The following TRIP12 variants were observed in gnomAD, a reference collection of about 807,000 sequenced individuals.
TRIP12 encodes the protein thyroid hormone receptor interactor 12.
TRIP12 carries 25 observed loss-of-function variants against 244.2 expected under a neutral mutation model. The ratio of observed to expected loss-of-function variants is 0.10; its 90% CI spans 0.07 to 0.14. The LOEUF (loss-of-function observed/expected upper bound fraction) is 0.14. Among genes scored for constraint, TRIP12 ranks in the 10% least tolerant of loss-of-function variants. TRIP12 has a pLI of 1.00. For synonymous variants in TRIP12, 905 were observed against 873.1 expected (o/e 1.04, Z -0.64); for missense variants, 1,677 against 2,486.4 (o/e 0.67, Z 6.92).
Position 229,806,724 on chromosome 2 carries a change from C to T in TRIP12, c.2497-841G>A, listed in dbSNP as rs755385864. Among the ~76,000 whole-genome samples the T allele has an allele frequency of 6.6e-5, 10 of 152,184 alleles. No homozygotes were observed. The South Asian group carries it at 8.3e-4, about 13-fold the overall frequency. Reference sequence around the variant, plus strand: ...AAGTCAATTTTCTCATAAAAGCTTGCTCTGAAACTGGATTTATTTTTAAAA... The same window carrying T: ...AAGTCAATTTTCTCATAAAAGCTTGTTCTGAAACTGGATTTATTTTTAAAA... On this transcript the variant is annotated intron_variant, in intron 17 of 41. Coordinates refer to ENST00000675903, the MANE Select transcript of TRIP12 (RefSeq NM_001348323.3).
rs2154219870 is a variant in TRIP12 at position 229,765,946 on chromosome 2, G to A, written c.*1608C>T. 6.6e-6 allele frequency: 1 copy of A among 152,196 alleles called. No homozygotes were observed. The highest frequency in any genetic ancestry group is 1.9e-4 in the East Asian group (1 of 5,180). 9.4% of individuals were successfully genotyped at this position (152,196 alleles called of 1,614,324 possible). ...CACTGCCCAAGTGAACTCTCAGGAG[G>A]GGACATTTCCATATAAGGCCATTTA... On this transcript the variant is annotated 3_prime_UTR_variant, in exon 42 of 42. Coordinates refer to ENST00000675903, the MANE Select transcript of TRIP12 (RefSeq NM_001348323.3).
At chr2:229,824,442 T>C (rs1014743766) in intron 8 of TRIP12, among the ~76,000 whole-genome samples, 1 of 152,170 alleles carries the variant, frequency 6.6e-6, no homozygotes, top group African/African-American at 2.4e-5. Flanking sequence ...GCAAACCTGC[T>C]TCTAGAAATC....
intron 4 of TRIP12, among the ~76,000 whole-genome samples, chr2:229,852,245 C>T (rs2058851691): frequency 6.6e-6 from 1 of 152,148 alleles, no homozygotes; most frequent in Non-Finnish European, 1.5e-5. Context: ...AGAACATCTG[C>T]CTGGAAATAT....
chr2:229,881,724 AACTTATGCGTACTG>A (rs2154354948), intron 1 of TRIP12, among the ~76,000 whole-genome samples: 1 of 152,314 alleles, frequency 6.6e-6, no homozygotes, highest in Admixed American at 6.5e-5. Flanking sequence ...GAAAAGGTTA[AACTTATGCGTACTG>A]ATATGGAAAG....
At chr2:229,871,110 G>A (rs1468983609) in intron 2 of TRIP12, among the ~76,000 whole-genome samples, 1 of 148,292 alleles carries the variant, frequency 6.7e-6, no homozygotes, top group Non-Finnish European at 1.5e-5. Flanking sequence ...AGAGACAGAG[G>A]TTGCAGTGAG....
At chr2:229,831,291 T>C (rs2154299066) in intron 6 of TRIP12, 1 of 613,726 alleles carries the variant, frequency 1.6e-6, no homozygotes, top group Non-Finnish European at 2.9e-6. Flanking sequence ...CTGCTTTATT[T>C]CCGGACTACA....
chr2:229,823,418 A>T (rs1266557966), intron 8 of TRIP12, among the ~76,000 whole-genome samples: 2 of 152,092 alleles, frequency 1.3e-5, no homozygotes, highest in East Asian at 3.8e-4. Context: ...TCACGCCTGT[A>T]GTCCCAGCAT....
chr2:229,880,271 G>A (rs1641763957), intron 1 of TRIP12, 143 bp from the exon 2 acceptor site: 1 of 599,318 alleles, frequency 1.7e-6, no homozygotes, highest in East Asian at 2.8e-5. Context: ...ATGTCTCACT[G>A]AACTGTGAAG....
At chr2:229,826,197 T>C (rs1220687393) in intron 8 of TRIP12, among the ~76,000 whole-genome samples, 1 of 152,224 alleles carries the variant, frequency 6.6e-6, no homozygotes, top group Non-Finnish European at 1.5e-5. Flanking sequence ...AAAGTGATTA[T>C]TAGTTCTAAA....
At chr2:229,819,438 A>G (rs1215444674) in intron 8 of TRIP12, among the ~76,000 whole-genome samples, 2 of 152,162 alleles carry the variant, frequency 1.3e-5, no homozygotes, top group Admixed American at 6.5e-5. Context: ...CCAGATACGC[A>G]GGAGGCTGAG....
Position 229,791,916 on chromosome 2 carries a change from C to G in TRIP12, c.4365G>C (p.Glu1455Asp). 4 of 1,614,130 alleles carry G rather than the reference C, an allele frequency of 2.5e-6. No homozygotes were observed. The highest frequency in any genetic ancestry group is 3.4e-6 in the Non-Finnish European group (4 of 1,179,994). Residue 1455 changes from glutamate to aspartate, a missense_variant, in exon 29 of 42, where the codon GAG becomes GAC. Glu to Asp is a conservative substitution (Grantham distance 45). Around this residue, in one of 11 missense-constraint regions of TRIP12, gnomAD observed 265 missense variants for 370.8 expected, o/e 0.71. Transcript: ENST00000675903. ...AEDERESTDD[E>D]SNPLGRAGIW... ...TACCAGCTCTGCCTAGAGGATTGCTCTCATCATCTGTGGATTCTCTTTCAT... is the reference window on the plus strand; with the variant it reads ...TACCAGCTCTGCCTAGAGGATTGCTGTCATCATCTGTGGATTCTCTTTCAT...
chr2:229,783,981 A>C (rs1327790341), intron 34 of TRIP12, among the ~76,000 whole-genome samples: 1 of 151,780 alleles, frequency 6.6e-6, no homozygotes, highest in African/African-American at 2.4e-5. Flanking sequence ...GTGGTGGCGC[A>C]TGCCTGTAAT....
At chr2:229,797,895 C>A (rs2043207530) in intron 23 of TRIP12, 64 bp from the exon 24 acceptor site, 1 of 1,504,282 alleles carries the variant, frequency 6.6e-7, no homozygotes, top group Non-Finnish European at 9.0e-7. Flanking sequence ...AACTTCTGAT[C>A]AAGGCAAATA....
chr2:229,843,911 G>C (rs1267811529), intron 4 of TRIP12, among the ~76,000 whole-genome samples: 4 of 150,032 alleles, frequency 2.7e-5, no homozygotes, highest in Non-Finnish European at 4.4e-5. Flanking sequence ...AGGGAGGGGA[G>C]AAGAAAGGGA....
At chr2:229,909,338 G>A (rs1011852538) in intron 1 of TRIP12, among the ~76,000 whole-genome samples, 4 of 151,686 alleles carry the variant, frequency 2.6e-5, no homozygotes, top group Non-Finnish European at 2.9e-5. Context: ...TTGAGCCTAC[G>A]AGTTTGAGAC....
chr2:229,813,940 C>T lies in TRIP12; in HGVS notation c.1916G>A (p.Ser639Asn), dbSNP rs776142962. ...AAAATGAAATTCATCTGGCGTGATA[C>T]TCTGGCAGCAATTAGCTGCAATTGC... ...ALAIAANCCQ[S>N]ITPDEFHFVA... The change falls in exon 13 of 42, where the codon AGT becomes AAT. Residue 639 changes from serine (S) to asparagine (N), a missense_variant. Ser to Asn is a conservative substitution (Grantham distance 46). Coordinates refer to ENST00000675903, the MANE Select transcript of TRIP12 (RefSeq NM_001348323.3). 3.2e-5 allele frequency: 51 copies of T among 1,598,870 alleles called. No individual in the cohort carries two copies. Among genetic ancestry groups the T allele is most frequent in the Non-Finnish European group, 3.7e-5 (43 of 1,168,434 alleles).
rs2031122736 is a variant in TRIP12 at position 229,764,159 on chromosome 2, A to G, written c.*3395T>C. 1 of 152,042 alleles carries G rather than the reference A, an allele frequency of 6.6e-6. No individual in the cohort carries two copies. Among genetic ancestry groups the G allele is most frequent in the Admixed American group, 6.6e-5 (1 of 15,266 alleles). The allele number at this position is 152,042 out of a possible 1,614,324, so 9.4% of individuals were successfully genotyped here. ...ACTTGAAGTTCTTGGAAAACAGCCA[A>G]TCCTGTTTTCTATATTTATAAATGC... On this transcript the variant is annotated 3_prime_UTR_variant, in exon 42 of 42. Coordinates refer to ENST00000675903, the MANE Select transcript of TRIP12 (RefSeq NM_001348323.3).
rs529998475 is a variant in TRIP12 at position 229,876,102 on chromosome 2, C to T, written c.98+3880G>A. 1.1e-4 allele frequency among the ~76,000 whole-genome samples: 16 copies of T among 152,124 alleles called. No homozygotes were observed. The East Asian group carries it at 3.1e-3, about 29-fold the overall frequency. Reference sequence around the variant, plus strand: ...CAGCCTGGCCGACATAGTGAAACCTCGTCTTTACTAAAAATACAAAAATTA... The same window carrying T: ...CAGCCTGGCCGACATAGTGAAACCTTGTCTTTACTAAAAATACAAAAATTA... On this transcript the variant is annotated intron_variant, in intron 2 of 41. Transcript: ENST00000675903.
At chr2:229,907,995 A>G (rs1370260422) in intron 1 of TRIP12, among the ~76,000 whole-genome samples, 1 of 151,920 alleles carries the variant, frequency 6.6e-6, no homozygotes, top group East Asian at 1.9e-4. Context: ...TTATTCAACT[A>G]GTAATGTTGG....
Sources: allele counts gnomAD v4.1 joint callset (sites outside exome capture counted in the v4.1 genomes callset), GRCh38; gene constraint gnomAD v4.1.1; regional missense constraint gnomAD v4.1.1; transcripts MANE v1.5; gene names NCBI Gene and HGNC (gene_info 2026-07-23, HGNC 2026-07-21).